The following SEPTIN9 variants were observed in gnomAD, a reference collection of about 807,000 sequenced individuals.
SEPTIN9 encodes the protein septin-9.
In SEPTIN9, 13 loss-of-function variants were observed where a neutral mutation model predicts 56.6. The ratio of observed to expected loss-of-function variants is 0.23; its 90% confidence interval spans 0.15 to 0.37. SEPTIN9 has a LOEUF of 0.37. SEPTIN9 is among the 10% of genes least tolerant of loss of function. SEPTIN9 has a pLI of 1.00. For synonymous variants in SEPTIN9, 332 were observed against 334.1 expected (o/e 0.99, Z 0.07); for missense variants, 650 against 823.1 (o/e 0.79, Z 2.57).
chr17:77,484,550 GTGA>G (rs1312536418), intron 4 of SEPTIN9, among the ~76,000 whole-genome samples: 14 of 145,428 alleles, frequency 9.6e-5, no homozygotes, highest in Non-Finnish European at 1.1e-4. Flanking sequence ...GGTGATGGTG[GTGA>G]TGATGGTGAT....
At chr17:77,498,377 C>T (rs1386341373) in intron 11 of SEPTIN9, 146 bp from the exon 12 acceptor site, 3 of 639,106 alleles carry the variant, frequency 4.7e-6, no homozygotes, top group Non-Finnish European at 8.4e-6. Context: ...CCTGGGGGAC[C>T]CCATGGGGAG....
chr17:77,324,897 C>T (rs2033075473), intron 2 of SEPTIN9, among the ~76,000 whole-genome samples: 1 of 149,180 alleles, frequency 6.7e-6, no homozygotes, highest in Non-Finnish European at 1.5e-5. Context: ...TGGCTCACTG[C>T]AACCTCCGCC....
At chr17:77,463,766 C>T (rs1338143055) in intron 3 of SEPTIN9, among the ~76,000 whole-genome samples, 1 of 152,044 alleles carries the variant, frequency 6.6e-6, no homozygotes, top group African/African-American at 2.4e-5. Flanking sequence ...TTGCTTGAAC[C>T]CGGGAGGCAG....
At chr17:77,398,621 G>A (rs1376021736) in intron 2 of SEPTIN9, among the ~76,000 whole-genome samples, 1 of 152,172 alleles carries the variant, frequency 6.6e-6, no homozygotes, top group Admixed American at 6.5e-5. Context: ...GGGGAAGATG[G>A]ACACCCCCAG....
chr17:77,308,284 C>T (rs1001790444), intron 2 of SEPTIN9, among the ~76,000 whole-genome samples: 1 of 152,212 alleles, frequency 6.6e-6, no homozygotes, highest in Non-Finnish European at 1.5e-5. Context: ...GACACGGACC[C>T]GGAGTCAAAT....
Position 77,429,940 on chromosome 17 carries a change from C to T in SEPTIN9, c.721+27237C>T, listed in dbSNP as rs748622405. ...TTTAGATGCTTCTGGGTTCCATGGG[C>T]GCCTTACACTGGCTTCCCTGTAGGA... On this transcript the variant is annotated intron_variant, in intron 3 of 11. Transcript: ENST00000427177. The surrounding 1 kb of genome is among the most constrained non-coding windows in gnomAD (Gnocchi z 5.2). Among the ~76,000 whole-genome samples, 2 of 152,182 alleles carry T rather than the reference C, an allele frequency of 1.3e-5. No individual in the cohort carries two copies. The highest frequency in any genetic ancestry group is 2.9e-5 in the Non-Finnish European group (2 of 68,028).
intron 2 of SEPTIN9, among the ~76,000 whole-genome samples, chr17:77,321,409 T>G (rs1036021749): frequency 3.3e-5 from 5 of 151,306 alleles, no homozygotes; most frequent in African/African-American, 4.9e-5. Flanking sequence ...TTTTTTTTTT[T>G]TTTTCTTTGA....
intron 3 of SEPTIN9, among the ~76,000 whole-genome samples, chr17:77,452,967 G>A (rs1054088246): frequency 6.6e-6 from 1 of 151,154 alleles, no homozygotes; most frequent in East Asian, 1.9e-4. Flanking sequence ...GGTGTGGCTC[G>A]CCTTTTTTAA....
At chr17:77,424,437 T>C (rs2036822735) in intron 3 of SEPTIN9, among the ~76,000 whole-genome samples, 2 of 152,174 alleles carry the variant, frequency 1.3e-5, no homozygotes, top group African/African-American at 4.8e-5. Flanking sequence ...TGTGGACACC[T>C]CCACGGCCCA....
At chr17:77,309,030 C>T (rs1353109458) in intron 2 of SEPTIN9, among the ~76,000 whole-genome samples, 7 of 152,274 alleles carry the variant, frequency 4.6e-5, no homozygotes, top group African/African-American at 9.6e-5. Context: ...ACAGCCCAGC[C>T]GCTGCTGTGT....
At chr17:77,388,810 C>CTTTTTTTTTTTTTT (rs5822196) in intron 2 of SEPTIN9, among the ~76,000 whole-genome samples, 80 of 78,052 alleles carry the variant, frequency 1.0e-3, no homozygotes, top group East Asian at 3.5e-3. Flanking sequence ...GTGTTAGGCG[C>CTTTTTTTTTTTTTT]TTTTTTTTTT....
In SEPTIN9 at chr17:77,492,765, C is replaced by A; in HGVS notation, c.1476+49C>A. 2 of 1,539,602 alleles carry A rather than the reference C, an allele frequency of 1.3e-6. No individual in the cohort carries two copies. The highest frequency in any genetic ancestry group is 1.8e-6 in the Non-Finnish European group (2 of 1,112,328). On this transcript the variant is annotated intron_variant, in intron 9 of 11. Transcript: ENST00000427177. This position sits in a 1 kb window ranked among gnomAD's most constrained non-coding sequence, Gnocchi z 5.4. ...GTTCCCAGGGGACCCCCAGTTCCTG[C>A]TGAAGGGTGGGTTGGGGGTTTGGAG... is the stretch of plus-strand genomic sequence containing the variant.
intron 1 of SEPTIN9, among the ~76,000 whole-genome samples, chr17:77,298,126 TCCAAAAGTCACATATG>T (rs2031896536): frequency 6.6e-6 from 1 of 152,216 alleles, no homozygotes; most frequent in South Asian, 2.1e-4. Flanking sequence ...ATGTGTTACC[TCCAAAAGTCACATATG>T]CCAGCACAGT....
intron 7 of SEPTIN9, among the ~76,000 whole-genome samples, 180 bp downstream of exon 7, chr17:77,489,044 G>A (rs1467713583): frequency 2.9e-5 from 3 of 103,990 alleles, no homozygotes; most frequent in Non-Finnish European, 5.7e-5. Context: ...GCCTCACACT[G>A]ACCCCTATGC....
intron 1 of SEPTIN9, among the ~76,000 whole-genome samples, chr17:77,287,427 T>C (rs2031332005): frequency 6.6e-6 from 1 of 152,218 alleles, no homozygotes; most frequent in East Asian, 1.9e-4. Context: ...CCCGTCTCCC[T>C]GAGGTTCCTA....
In SEPTIN9 at chr17:77,353,881, G is replaced by A. The variant is rs145029391; in HGVS notation, c.76+46684G>A. The stretch of plus-strand genomic sequence containing the variant: ...CACAAGTCCATGAGAATGCACACAC[G>A]CACATTGCATGTGTGTGCACACATG... On this transcript the variant is annotated intron_variant, in intron 2 of 11. Transcript: ENST00000427177. Among the ~76,000 whole-genome samples the A allele has an allele frequency of 4.9e-4, 74 of 152,244 alleles. 3 individuals carry two copies. The East Asian group carries it at 0.011, about 23-fold the overall frequency.
intron 2 of SEPTIN9, among the ~76,000 whole-genome samples, chr17:77,380,477 G>A (rs1269289003): frequency 1.3e-5 from 2 of 151,962 alleles, no homozygotes; most frequent in Admixed American, 6.6e-5. Flanking sequence ...GGGCCAACTG[G>A]GAAAGCCATC....
In SEPTIN9 at chr17:77,429,636, C is replaced by A. The variant is rs9890241; in HGVS notation, c.721+26933C>A. On this transcript the variant is annotated intron_variant, in intron 3 of 11. Transcript: ENST00000427177. The surrounding 1 kb of genome is among the most constrained non-coding windows in gnomAD (Gnocchi z 5.2). ...TTAGGGTGCTGGTGTGGAGTTTGCA[C>A]AGATGGGGATAATGAGCTGGAGGGT... Among the ~76,000 whole-genome samples the A allele has an allele frequency of 5.1e-3, 782 of 152,260 alleles. 6 individuals are homozygous for A. Among genetic ancestry groups the A allele is most frequent in the African/African-American group, 0.018 (747 of 41,540 alleles).
At position 77,490,601 on chromosome 17, in the gene SEPTIN9, GC is replaced by G. The variant is rs2039983266; in HGVS notation, c.1263-138del. 3 of 686,110 alleles carry G rather than the reference GC, an allele frequency of 4.4e-6. No individual in the cohort carries two copies. In the South Asian group the frequency reaches 5.1e-5, roughly 12 times the overall value. 42.5% of individuals were successfully genotyped at this position (686,110 alleles called of 1,614,324 possible). Reference sequence around the variant, plus strand: ...CCACACTCACAGCGTGGCCGACTCGGCCCGGGGCCCTGTCCTTGCCAGCAGG... The same window carrying G: ...CCACACTCACAGCGTGGCCGACTCGGCCGGGGCCCTGTCCTTGCCAGCAGG... On this transcript the variant is annotated intron_variant, in intron 7 of 11. Coordinates refer to ENST00000427177, the MANE Select transcript of SEPTIN9 (RefSeq NM_001113491.2).
Sources: allele counts gnomAD v4.1 joint callset (sites outside exome capture counted in the v4.1 genomes callset), GRCh38; gene constraint gnomAD v4.1.1; non-coding constraint Gnocchi (gnomAD v3.1); transcripts MANE v1.5; gene names NCBI Gene and HGNC (gene_info 2026-07-23, HGNC 2026-07-21).